Variants in DDHD1 observed in about 807,000 individuals in gnomAD.
DDHD1 encodes phospholipase DDHD1.
In DDHD1, 49 loss-of-function variants were observed where a neutral mutation model predicts 96.4. The observed-to-expected ratio is 0.51, with a 90% CI of 0.40 to 0.64. The LOEUF (loss-of-function observed/expected upper bound fraction) is 0.64. Among genes scored for constraint, DDHD1 ranks in the 30% least tolerant of loss-of-function variants. DDHD1 has a pLI of 0.00. For missense variants in DDHD1, 1,106 were observed against 1,161.2 expected (o/e 0.95, Z 0.69); for synonymous variants, 442 against 446.5 (o/e 0.99, Z 0.13).
At position 53,128,343 on chromosome 14, in the gene DDHD1, T is replaced by C. The variant is rs142266268; in HGVS notation, c.838+23918A>G. Among the ~76,000 whole-genome samples, 919 of 152,336 alleles carry C rather than the reference T, an allele frequency of 6.0e-3. 6 individuals are homozygous for C. The highest frequency in any genetic ancestry group is 9.1e-3 in the Non-Finnish European group (616 of 68,016). ...GGTAGCTTTTAACAATGGAAACTTA[T>C]GTCTCACATCTCTGGAGACTGCCAA... On this transcript the variant is annotated intron_variant, in intron 1 of 12. Coordinates refer to ENST00000673822, the MANE Select transcript of DDHD1 (RefSeq NM_001160148.2).
intron 4 of DDHD1, 125 bp downstream of exon 4, chr14:53,091,660 G>A (rs911903526): frequency 1.0e-6 from 1 of 968,268 alleles, no homozygotes; most frequent in Non-Finnish European, 1.5e-6. Context: ...TGACTTAAGA[G>A]GTATTAGAAT....
At chr14:53,056,921 G>A (rs1409627105) in intron 9 of DDHD1, among the ~76,000 whole-genome samples, 1 of 152,150 alleles carries the variant, frequency 6.6e-6, no homozygotes, top group African/African-American at 2.4e-5. Flanking sequence ...CAAGTTACGA[G>A]ACAATGAATA....
rs981299076 is a variant in DDHD1 at position 53,041,581 on chromosome 14, A to G, written c.*5187T>C. 3 of 152,252 alleles carry G rather than the reference A, an allele frequency of 2.0e-5. No individual in the cohort carries two copies. Among genetic ancestry groups the G allele is most frequent in the South Asian group, 4.1e-4 (2 of 4,830 alleles). 9.4% of individuals were successfully genotyped at this position (152,252 alleles called of 1,614,324 possible). ...TGGAAAGGAATGTTAAACATTAGTT[A>G]ACACTGTGCAACTTGTTTCCTTAAG... On this transcript the variant is annotated 3_prime_UTR_variant, in exon 13 of 13. Coordinates refer to ENST00000673822, the MANE Select transcript of DDHD1 (RefSeq NM_001160148.2).
intron 2 of DDHD1, among the ~76,000 whole-genome samples, chr14:53,098,986 G>C (rs1030374631): frequency 2.6e-5 from 4 of 151,836 alleles, no homozygotes; most frequent in African/African-American, 7.3e-5. Flanking sequence ...ATTTATATTT[G>C]TTGTTATTGA....
Position 53,046,661 on chromosome 14 carries a change from A to C in DDHD1, c.*107T>G. 2.7e-6 allele frequency: 2 copies of C among 729,994 alleles called. No individual in the cohort carries two copies. Among genetic ancestry groups the C allele is most frequent in the Non-Finnish European group, 4.1e-6 (2 of 485,034 alleles). 45.2% of individuals were successfully genotyped at this position (729,994 alleles called of 1,614,324 possible). ...TAAATTCAAATATATGTTGCCCTAA[A>C]GAAAACTGAAATATACTTTAACCCT... On this transcript the variant is annotated 3_prime_UTR_variant, in exon 13 of 13. Transcript: ENST00000673822.
chr14:53,122,146 G>A (rs1889045567), intron 1 of DDHD1, among the ~76,000 whole-genome samples: 1 of 152,170 alleles, frequency 6.6e-6, no homozygotes, highest in African/African-American at 2.4e-5. Flanking sequence ...ACCTTATTGG[G>A]TTCCTGCAGG....
intron 1 of DDHD1, among the ~76,000 whole-genome samples, chr14:53,115,487 G>C (rs1322404317): frequency 2.0e-5 from 3 of 152,180 alleles, no homozygotes; most frequent in Non-Finnish European, 1.5e-5. Context: ...GAAAGGTCAG[G>C]TTATCTACAA....
Position 53,072,587 on chromosome 14 carries a change from T to A in DDHD1, c.1503+10A>T, listed in dbSNP as rs180742508. 2.8e-3 allele frequency: 4,034 copies of A among 1,453,538 alleles called. 4 individuals are homozygous for A. The highest frequency in any genetic ancestry group is 3.4e-3 in the Non-Finnish European group (3,645 of 1,073,514). 90.0% of individuals were successfully genotyped at this position (1,453,538 alleles called of 1,614,324 possible). ...AAAATACCCACCAGCAAGATAATCA[T>A]GACACTTACTTCATCTCTATAAAGT... is the stretch of plus-strand genomic sequence containing the variant. On this transcript the variant is annotated intron_variant, in intron 6 of 12. Transcript: ENST00000673822.
At chr14:53,119,148 G>C (rs1006429006) in intron 1 of DDHD1, among the ~76,000 whole-genome samples, 13 of 152,196 alleles carry the variant, frequency 8.5e-5, no homozygotes, top group Admixed American at 8.5e-4. Flanking sequence ...TGCCTTACAA[G>C]AGCTCCTGAA....
rs1298297072 is a variant in DDHD1, at chr14:53,039,537, G to A, written c.*7231C>T. 1 of 152,348 alleles carries A rather than the reference G, an allele frequency of 6.6e-6. No homozygotes were observed. Among genetic ancestry groups the A allele is most frequent in the African/African-American group, 2.4e-5 (1 of 41,446 alleles). The allele number at this position is 152,348 out of a possible 1,614,324, so 9.4% of individuals were successfully genotyped here. A position where few individuals can be genotyped will look rare whatever the true frequency, so the allele number is the denominator to read the frequency against. ...CAAAGCAGAAAATAATTTTAACAAG[G>A]AGCAGGAAAGGATTCAAGACATGGA... On this transcript the variant is annotated 3_prime_UTR_variant, in exon 13 of 13. Transcript: ENST00000673822.
chr14:53,121,725 T>C (rs1345193501), intron 1 of DDHD1, among the ~76,000 whole-genome samples: 1 of 151,880 alleles, frequency 6.6e-6, no homozygotes, highest in Non-Finnish European at 1.5e-5. Flanking sequence ...AGCTGAACAA[T>C]GAGAACACAT....
At position 53,152,970 on chromosome 14, in the gene DDHD1, G is replaced by T; in HGVS notation, c.129C>A (p.His43Gln). Residue 43 changes from histidine to glutamine, a missense_variant, in exon 1 of 13, where the codon CAC becomes CAA. His to Gln is a conservative substitution (Grantham distance 24). Coordinates refer to ENST00000673822, the MANE Select transcript of DDHD1 (RefSeq NM_001160148.2). ...CGTCGTCCGGGTCCCCGCCGGGCAG[G>T]TGCTCGAAGCAGCAGACGCCGCCGC... ...AFGGGVCCFEHLPGGDPDDGD... is the reference protein window; with the variant it reads ...AFGGGVCCFEQLPGGDPDDGD... The T allele has an allele frequency of 1.3e-6, 2 of 1,581,358 alleles. No individual in the cohort carries two copies. The highest frequency in any genetic ancestry group is 1.7e-6 in the Non-Finnish European group (2 of 1,166,418).
At chr14:53,102,560 G>C (rs1028491885) in intron 2 of DDHD1, among the ~76,000 whole-genome samples, 2 of 151,916 alleles carry the variant, frequency 1.3e-5, no homozygotes, top group African/African-American at 4.8e-5. Flanking sequence ...CAGTTATATA[G>C]ACTTTTAATC....
intron 4 of DDHD1, among the ~76,000 whole-genome samples, chr14:53,090,421 A>T (rs928307828): frequency 3.9e-5 from 6 of 152,232 alleles, no homozygotes; most frequent in African/African-American, 1.4e-4. Context: ...AGACATATGC[A>T]CACGTATGTT....
In DDHD1 at chr14:53,152,751, C is replaced by A; in HGVS notation, c.348G>T (p.Ser116=). The stretch of plus-strand genomic sequence containing the variant: ...GCGGAGGCTGCTGCGGCGGGTGCAG[C>A]GACAAGGAGCTGCCGCCGCCGCCGC... The part of the protein sequence containing the change: ...GESGGGGSSL[S]LHPPQQPPLV... The change falls in exon 1 of 13, where the codon TCG becomes TCT. Residue 116 remains serine (S), a synonymous_variant. Coordinates refer to ENST00000673822, the MANE Select transcript of DDHD1 (RefSeq NM_001160148.2). 1 of 1,557,398 alleles carries A rather than the reference C, an allele frequency of 6.4e-7. No homozygotes were observed. Among genetic ancestry groups the A allele is most frequent in the African/African-American group, 1.5e-5 (1 of 68,180 alleles).
intron 4 of DDHD1, among the ~76,000 whole-genome samples, chr14:53,082,130 C>A (rs925307918): frequency 1.9e-4 from 29 of 152,208 alleles, no homozygotes; most frequent in Admixed American, 1.8e-3. Flanking sequence ...TGACCCATTA[C>A]TGTGCTGCTA....
rs114189482 is a variant in DDHD1, at chr14:53,143,025, C to A, written c.838+9236G>T. Among the ~76,000 whole-genome samples, 400 of 152,350 alleles carry A rather than the reference C, an allele frequency of 2.6e-3. 2 individuals are homozygous for A. Among genetic ancestry groups the A allele is most frequent in the African/African-American group, 9.3e-3 (387 of 41,582 alleles). ...ATAGCTAACAGTTTTATAGAACTTA[C>A]TATTCATCATGGGATATTTTTAAGA... On this transcript the variant is annotated intron_variant, in intron 1 of 12. Coordinates refer to ENST00000673822, the MANE Select transcript of DDHD1 (RefSeq NM_001160148.2).
In DDHD1 at chr14:53,036,916, A is replaced by G. The variant is rs1193341236; in HGVS notation, c.*9852T>C. Reference sequence around the variant, plus strand: ...ATAGTACCCAATAGGTAGTTTTTCAACCTATCCTTCTGCCCTCCTCACCCA... The same window carrying G: ...ATAGTACCCAATAGGTAGTTTTTCAGCCTATCCTTCTGCCCTCCTCACCCA... On this transcript the variant is annotated 3_prime_UTR_variant, in exon 13 of 13. Transcript: ENST00000673822. The G allele has an allele frequency of 1.3e-5, 2 of 151,984 alleles. No individual in the cohort carries two copies. The highest frequency in any genetic ancestry group is 2.4e-5 in the African/African-American group (1 of 41,382). 9.4% of individuals were successfully genotyped at this position (151,984 alleles called of 1,614,324 possible).
At chr14:53,115,136 A>G (rs532286153) in intron 1 of DDHD1, among the ~76,000 whole-genome samples, 51 of 152,326 alleles carry the variant, frequency 3.3e-4, no homozygotes, top group African/African-American at 1.2e-3. Flanking sequence ...GGGACTGAAG[A>G]TCACCTGACT....
Sources: gnomAD v4.1 joint callset for allele counts (sites outside exome capture counted in the v4.1 genomes callset) on GRCh38, gnomAD v4.1.1 for gene constraint, MANE v1.5 for transcripts, NCBI Gene and HGNC (gene_info 2026-07-23, HGNC 2026-07-21) for gene names.